Variants in TMEM132D observed in about 807,000 individuals in gnomAD.
The protein encoded by TMEM132D is mature OL transmembrane protein.
In TMEM132D, 21 loss-of-function variants were observed where a neutral mutation model predicts 62.3. The observed-to-expected ratio is 0.34, with a 90% CI of 0.24 to 0.49. The LOEUF (loss-of-function observed/expected upper bound fraction) is 0.49. Among genes scored for constraint, TMEM132D ranks in the 20% least tolerant of loss-of-function variants. The pLI is 0.99. For synonymous variants in TMEM132D, 621 were observed against 575.6 expected, an observed-to-expected ratio of 1.08 and a Z score of -1.13; for missense variants, 1,346 against 1,402.8, an observed-to-expected ratio of 0.96 and a Z score of 0.65.
Position 129,371,163 on chromosome 12 carries a change from A to G in TMEM132D, c.1116-33346T>C, listed in dbSNP as rs1870586412. On this transcript the variant is annotated intron_variant, in intron 3 of 8. Transcript: ENST00000422113. This position sits in a 1 kb window ranked among gnomAD's most constrained non-coding sequence, Gnocchi z 4.3. ...TATGACAAATCAATAAAAAAGTACA[A>G]AAGACTTGCTAAAACAAAGTCACAC... is the stretch of plus-strand genomic sequence containing the variant. 1.3e-5 allele frequency among the ~76,000 whole-genome samples: 2 copies of G among 152,192 alleles called. No homozygotes were observed. Among genetic ancestry groups the G allele is most frequent in the Non-Finnish European group, 1.5e-5 (1 of 68,036 alleles).
chr12:129,551,714 G>A (rs1876904124), intron 2 of TMEM132D, among the ~76,000 whole-genome samples: 2 of 152,110 alleles, frequency 1.3e-5, no homozygotes, highest in Admixed American at 6.6e-5. Flanking sequence ...TACACGCCCT[G>A]CCTAATTCAT....
At chr12:129,746,252 TAA>T (rs1869774629) in intron 1 of TMEM132D, among the ~76,000 whole-genome samples, 2 of 152,234 alleles carry the variant, frequency 1.3e-5, no homozygotes, top group South Asian at 4.1e-4. Flanking sequence ...ACCTGACAGG[TAA>T]AGAGTCTGTG....
At chr12:129,444,243 A>G (rs532328668) in intron 3 of TMEM132D, among the ~76,000 whole-genome samples, 1 of 152,352 alleles carries the variant, frequency 6.6e-6, no homozygotes, top group African/African-American at 2.4e-5. Flanking sequence ...TTGTGACAAA[A>G]GCAAAAATTG....
intron 5 of TMEM132D, among the ~76,000 whole-genome samples, chr12:129,143,528 TC>T (rs1876803933): frequency 6.6e-6 from 1 of 152,106 alleles, no homozygotes; most frequent in African/African-American, 2.4e-5. Flanking sequence ...TCAAGTAGAG[TC>T]CTGCCTCTGG....
At chr12:129,391,001 T>A (rs1024952010) in intron 3 of TMEM132D, among the ~76,000 whole-genome samples, 2 of 152,236 alleles carry the variant, frequency 1.3e-5, no homozygotes, top group African/African-American at 4.8e-5. Flanking sequence ...CACTCATGCA[T>A]ATCTAGCACA....
intron 5 of TMEM132D, chr12:129,085,777 A>G (rs1874597228): frequency 6.6e-6 from 1 of 152,236 alleles, no homozygotes; most frequent in Admixed American, 6.5e-5. Flanking sequence ...GCCAACTTCT[A>G]CCTGGTGCAA....
intron 5 of TMEM132D, among the ~76,000 whole-genome samples, chr12:129,156,432 G>A (rs1024457289): frequency 1.3e-5 from 2 of 151,538 alleles, no homozygotes; most frequent in African/African-American, 4.9e-5. Flanking sequence ...CTAACTCACT[G>A]TTGAGATAAC....
intron 1 of TMEM132D, among the ~76,000 whole-genome samples, chr12:129,727,221 G>T (rs1869065508): frequency 6.6e-6 from 1 of 152,234 alleles, no homozygotes; most frequent in African/African-American, 2.4e-5. Flanking sequence ...TGTAAGAATA[G>T]AAGTTTATAT....
At chr12:129,375,105 C>G (rs11060290) in intron 3 of TMEM132D, among the ~76,000 whole-genome samples, 60,325 of 151,836 alleles carry the variant, frequency 0.4, 12,222 homozygotes, top group Middle Eastern at 0.48. Flanking sequence ...GCTCCGGGAA[C>G]TTGGGCTGCA....
intron 3 of TMEM132D, among the ~76,000 whole-genome samples, chr12:129,367,558 G>A (rs190204101): frequency 6.9e-4 from 105 of 152,196 alleles, no homozygotes; most frequent in Non-Finnish European, 9.9e-4. Flanking sequence ...GGGGAGCAAG[G>A]GTCTTCTTCA....
intron 3 of TMEM132D, among the ~76,000 whole-genome samples, chr12:129,452,948 T>C (rs1047575545): frequency 2.0e-5 from 3 of 152,168 alleles, no homozygotes; most frequent in African/African-American, 7.2e-5. Flanking sequence ...CATGGACCCA[T>C]ACTGGTTGGT....
intron 3 of TMEM132D, among the ~76,000 whole-genome samples, chr12:129,487,861 C>A (rs995772692): frequency 6.9e-6 from 1 of 145,206 alleles, no homozygotes; most frequent in Non-Finnish European, 1.5e-5. Context: ...GGCGTGAACC[C>A]GGGAGGTGGA....
Position 129,278,982 on chromosome 12 carries a change from C to T in TMEM132D, c.1299+58652G>A, listed in dbSNP as rs141718368. On this transcript the variant is annotated intron_variant, in intron 4 of 8. Coordinates refer to ENST00000422113, the MANE Select transcript of TMEM132D (RefSeq NM_133448.3). ...TGAGTGGAGGTGCGCCTCCAGGCTT[C>T]GGGTGGTTGGTATCAAGCAGGATTC... Among the ~76,000 whole-genome samples the T allele has an allele frequency of 2.7e-3, 417 of 152,204 alleles. 1 individual carries two copies. Among genetic ancestry groups the T allele is most frequent in the African/African-American group, 5.4e-3 (225 of 41,552 alleles).
intron 3 of TMEM132D, among the ~76,000 whole-genome samples, chr12:129,486,042 C>T (rs1020023412): frequency 2.0e-5 from 3 of 152,142 alleles, no homozygotes; most frequent in Non-Finnish European, 2.9e-5. Context: ...CTGTTGATGC[C>T]GGAATCTGCT....
At chr12:129,345,393 C>G (rs1458474288) in intron 3 of TMEM132D, among the ~76,000 whole-genome samples, 1 of 152,160 alleles carries the variant, frequency 6.6e-6, no homozygotes. Flanking sequence ...GGAACCACAG[C>G]ATCGATTCCA....
At chr12:129,422,876 G>GTATA (rs72183607) in intron 3 of TMEM132D, among the ~76,000 whole-genome samples, 3 of 148,638 alleles carry the variant, frequency 2.0e-5, no homozygotes, top group African/African-American at 4.9e-5. Flanking sequence ...ACATATATGT[G>GTATA]TATATATATA....
intron 1 of TMEM132D, among the ~76,000 whole-genome samples, chr12:129,776,519 T>TGGTAAAAAGGAAA (rs1485560764): frequency 6.6e-6 from 1 of 152,088 alleles, no homozygotes; most frequent in Non-Finnish European, 1.5e-5. Flanking sequence ...AGTGGTTGAC[T>TGGTAAAAAGGAAA]ACTAGTAAAA....
intron 5 of TMEM132D, among the ~76,000 whole-genome samples, chr12:129,102,860 T>C (rs1196927957): frequency 6.6e-6 from 1 of 152,210 alleles, no homozygotes; most frequent in East Asian, 1.9e-4. Context: ...CCCTTGAAGC[T>C]TTTGCAGAAT....
chr12:129,402,579 TTCTTG>T (rs1871654845), intron 3 of TMEM132D, among the ~76,000 whole-genome samples: 1 of 152,190 alleles, frequency 6.6e-6, no homozygotes, highest in South Asian at 2.1e-4. Flanking sequence ...TTCTTTTTCT[TTCTTG>T]TCTTGAGACA....
Sources: gnomAD v4.1 joint callset for allele counts (sites outside exome capture counted in the v4.1 genomes callset) on GRCh38, gnomAD v4.1.1 for gene constraint, Gnocchi (gnomAD v3.1) non-coding constraint, MANE v1.5 for transcripts, NCBI Gene and HGNC (gene_info 2026-07-23, HGNC 2026-07-21) for gene names.